The following HTR1E variants were observed in gnomAD, a reference collection of about 807,000 sequenced individuals.
HTR1E encodes 5-HT-1E.
A neutral mutation model predicts 3.4 loss-of-function variants in HTR1E; 3 were observed. That is an observed-to-expected ratio of 0.89 (90% CI 0.41 to 2.31). HTR1E has a LOEUF of 2.31. Ranked by LOEUF, HTR1E falls within the 30% of genes most tolerant of loss-of-function variation. The pLI is 0.05. For synonymous variants in HTR1E, 170 were observed against 182.8 expected (o/e 0.93, Z 0.56); for missense variants, 392 against 467.0 (o/e 0.84, Z 1.48).
intron 1 of HTR1E, among the ~76,000 whole-genome samples, chr6:86,983,664 T>C (rs1355866859): frequency 6.6e-6 from 1 of 152,138 alleles, no homozygotes; most frequent in East Asian, 1.9e-4. Flanking sequence ...AAGAGAAGAT[T>C]TGGAATGTTT....
At position 87,015,544 on chromosome 6, in the gene HTR1E, G is replaced by A; in HGVS notation, c.210G>A (p.Leu70=). The stretch of plus-strand genomic sequence containing the variant: ...GTTCTCTGGCCGTGACGGACCTCCT[G>A]GTGGCAGTGCTCGTCATGCCCCTGA... The part of the protein sequence containing the change: ...LICSLAVTDL[L]VAVLVMPLSI... The change falls in exon 2 of 2, where the codon CTG becomes CTA. Residue 70 remains leucine, a synonymous_variant. Transcript: ENST00000305344. 1 of 1,612,608 alleles carries A rather than the reference G, an allele frequency of 6.2e-7. No individual in the cohort carries two copies.
At chr6:87,010,436 C>A (rs1250696383) in intron 1 of HTR1E, among the ~76,000 whole-genome samples, 1 of 149,770 alleles carries the variant, frequency 6.7e-6, no homozygotes, top group African/African-American at 2.5e-5. Flanking sequence ...CCAGTAGGGG[C>A]GACCGGGCAG....
chr6:86,944,178 T>G, intron 1 of HTR1E, among the ~76,000 whole-genome samples: 1 of 152,228 alleles, frequency 6.6e-6, no homozygotes, highest in East Asian at 1.9e-4. Flanking sequence ...GATAGCAAAA[T>G]AGAAGCCAAG....
At chr6:86,958,123 AT>A (rs1483701737) in intron 1 of HTR1E, among the ~76,000 whole-genome samples, 2 of 143,872 alleles carry the variant, frequency 1.4e-5, no homozygotes, top group Non-Finnish European at 3.0e-5. Context: ...CAATGGTGCG[AT>A]CTCGGCTCAC....
intron 1 of HTR1E, among the ~76,000 whole-genome samples, chr6:86,956,549 C>G (rs1767326425): frequency 6.6e-6 from 1 of 152,112 alleles, no homozygotes; most frequent in Non-Finnish European, 1.5e-5. Context: ...CTTTCTGGAC[C>G]AAACCAATGT....
chr6:87,006,540 G>T (rs147165520), intron 1 of HTR1E, among the ~76,000 whole-genome samples: 106 of 152,274 alleles, frequency 7.0e-4, no homozygotes, highest in African/African-American at 2.5e-3. Flanking sequence ...TCGAGAAGCA[G>T]AAATACCATT....
Position 87,016,212 on chromosome 6 carries a change from T to C in HTR1E, c.878T>C (p.Leu293Pro). 1.2e-6 allele frequency: 2 copies of C among 1,614,156 alleles called. No homozygotes were observed. The highest frequency in any genetic ancestry group is 8.5e-7 in the Non-Finnish European group (1 of 1,180,014). Residue 293 changes from leucine (L) to proline (P), a missense_variant, in exon 2 of 2, where the codon CTG becomes CCG. Leu to Pro is a moderately conservative substitution (Grantham distance 98). Coordinates refer to ENST00000305344, the MANE Select transcript of HTR1E (RefSeq NM_000865.3). ...AGGGAACGGAAGGCAGCACGCATCC[T>C]GGGGCTGATTCTGGGTGCATTCATT... ...STRERKAARILGLILGAFILS... is the reference protein window; with the variant it reads ...STRERKAARIPGLILGAFILS...
At chr6:86,941,371 G>A (rs1198814880) in intron 1 of HTR1E, among the ~76,000 whole-genome samples, 1 of 152,088 alleles carries the variant, frequency 6.6e-6, no homozygotes, top group Admixed American at 6.5e-5. Context: ...TTCATTTTTA[G>A]TTCTCTTATT....
At chr6:87,008,929 G>A (rs1768158837) in intron 1 of HTR1E, among the ~76,000 whole-genome samples, 1 of 152,006 alleles carries the variant, frequency 6.6e-6, no homozygotes, top group Admixed American at 6.5e-5. Context: ...CTCTCCTTAT[G>A]TTTAAGCTTC....
chr6:87,004,181 AAAG>A (rs1444783179), intron 1 of HTR1E, among the ~76,000 whole-genome samples: 2 of 152,236 alleles, frequency 1.3e-5, no homozygotes, highest in African/African-American at 2.4e-5. Flanking sequence ...CCAAACATTT[AAAG>A]AAGAACTAAT....
intron 1 of HTR1E, among the ~76,000 whole-genome samples, chr6:87,010,186 G>T (rs1460127525): frequency 9.3e-6 from 1 of 107,478 alleles, no homozygotes; most frequent in Non-Finnish European, 1.9e-5. Flanking sequence ...CGGGCGGGGG[G>T]CCGACCCCCC....
chr6:86,998,562 T>C (rs971701546), intron 1 of HTR1E, among the ~76,000 whole-genome samples: 1 of 152,148 alleles, frequency 6.6e-6, no homozygotes, highest in East Asian at 1.9e-4. Context: ...TTGTAGGATA[T>C]AGCTAAAATA....
chr6:86,941,272 T>G (rs1203303310), intron 1 of HTR1E, among the ~76,000 whole-genome samples: 1 of 152,256 alleles, frequency 6.6e-6, no homozygotes, highest in African/African-American at 2.4e-5. Flanking sequence ...TAGAGATCAC[T>G]CAATCAATTG....
chr6:86,943,389 G>A (rs1052482835), intron 1 of HTR1E, among the ~76,000 whole-genome samples: 1 of 152,194 alleles, frequency 6.6e-6, no homozygotes, highest in African/African-American at 2.4e-5. Context: ...GTGCCAGCGT[G>A]GCAGTGAAGC....
chr6:87,001,632 A>G (rs1317225485), intron 1 of HTR1E, among the ~76,000 whole-genome samples: 15 of 152,226 alleles, frequency 9.9e-5, no homozygotes, highest in Non-Finnish European at 2.2e-4. Context: ...TGTGTAAGAA[A>G]GCAAGAATTA....
At chr6:86,953,237 A>G (rs1298050971) in intron 1 of HTR1E, among the ~76,000 whole-genome samples, 2 of 152,196 alleles carry the variant, frequency 1.3e-5, no homozygotes, top group African/African-American at 2.4e-5. Flanking sequence ...AGTTTACTGG[A>G]AGGGTTCCAG....
intron 1 of HTR1E, among the ~76,000 whole-genome samples, chr6:86,958,950 G>C (rs1313086754): frequency 7.3e-6 from 1 of 136,896 alleles, no homozygotes; most frequent in African/African-American, 3.2e-5. Context: ...GTGTGTGTGT[G>C]TGTGTGTGTG....
chr6:86,968,374 T>C (rs1224650150), intron 1 of HTR1E, among the ~76,000 whole-genome samples: 1 of 152,188 alleles, frequency 6.6e-6, no homozygotes, highest in Non-Finnish European at 1.5e-5. Context: ...CCTTGGTAAT[T>C]TGGTAGTTGC....
Position 86,958,447 on chromosome 6 carries a change from G to GT in HTR1E, c.-186+20630dup, listed in dbSNP as rs1562061054. ...CATCTTCCAGTCTGTTCCTGTTTCT[G>GT]TTTTTTCCCTCATGATACTTGCTAC... On this transcript the variant is annotated intron_variant, in intron 1 of 1. Coordinates refer to ENST00000305344, the MANE Select transcript of HTR1E (RefSeq NM_000865.3). Among the ~76,000 whole-genome samples, 4 of 152,038 alleles carry GT rather than the reference G, an allele frequency of 2.6e-5. No individual in the cohort carries two copies. In the South Asian group the frequency reaches 8.3e-4, roughly 32 times the overall value.
Sources: gnomAD v4.1 joint callset for allele counts (sites outside exome capture counted in the v4.1 genomes callset) on GRCh38, gnomAD v4.1.1 for gene constraint, MANE v1.5 for transcripts, NCBI Gene and HGNC (gene_info 2026-07-23, HGNC 2026-07-21) for gene names.